Variants in SAMTOR observed in about 807,000 individuals in gnomAD.
SAMTOR encodes S-adenosylmethionine sensor upstream of mTORC1, also known as UPF0532 protein C7orf60.
the SAMTOR span, chr7:112,821,601 T>TTA: frequency 5.9e-5 from 43 of 728,636 alleles, no homozygotes; most frequent in Non-Finnish European, 8.8e-5. Context: ...AATTGAGAAG[T>TTA]AGAAAAAAAT....
At chr7:112,866,739 C>T in the SAMTOR span, among the ~76,000 whole-genome samples, 1 of 152,236 alleles carries the variant, frequency 6.6e-6, no homozygotes, top group African/African-American at 2.4e-5. Context: ...AAGACTCAAC[C>T]TCCATTCTCC....
At chr7:112,848,457 TGAA>T in the SAMTOR span, among the ~76,000 whole-genome samples, 491 of 152,238 alleles carry the variant, frequency 3.2e-3, 2 homozygotes, top group African/African-American at 0.011. Flanking sequence ...ATTAGTCCAG[TGAA>T]GAAGACACAA....
At chr7:112,868,845 G>A in the SAMTOR span, among the ~76,000 whole-genome samples, 2 of 152,208 alleles carry the variant, frequency 1.3e-5, no homozygotes, top group African/African-American at 4.8e-5. Flanking sequence ...AAGGAGAGTT[G>A]CTGAAGCTGG....
chr7:112,916,604 T>A, the SAMTOR span, among the ~76,000 whole-genome samples: 1 of 151,948 alleles, frequency 6.6e-6, no homozygotes, highest in African/African-American at 2.4e-5. Context: ...GGACGGTGGG[T>A]GCAGTGCACC....
At chr7:112,864,847 C>T in the SAMTOR span, among the ~76,000 whole-genome samples, 3 of 152,122 alleles carry the variant, frequency 2.0e-5, no homozygotes, top group African/African-American at 4.8e-5. Flanking sequence ...CTTGACCTCT[C>T]GGGCTTAAGT....
the SAMTOR span, among the ~76,000 whole-genome samples, chr7:112,921,075 T>C: frequency 1.3e-5 from 2 of 152,158 alleles, no homozygotes; most frequent in Non-Finnish European, 2.9e-5. Context: ...ATGACTTCCT[T>C]CACAGAATTG....
chr7:112,929,272 G>C, the SAMTOR span, among the ~76,000 whole-genome samples: 2 of 151,456 alleles, frequency 1.3e-5, no homozygotes, highest in South Asian at 4.2e-4. Context: ...CTAAAAAATG[G>C]GCAATGACCT....
the SAMTOR span, among the ~76,000 whole-genome samples, chr7:112,877,661 C>A: frequency 1.3e-5 from 2 of 152,210 alleles, no homozygotes; most frequent in Middle Eastern, 6.8e-3. Flanking sequence ...CCATTCAAAT[C>A]TCACGTTGAA....
At chr7:112,819,399 G>A in the SAMTOR span, 4 of 152,148 alleles carry the variant, frequency 2.6e-5, no homozygotes, top group African/African-American at 9.7e-5. Flanking sequence ...TATCCAAAAT[G>A]AAATAATTCT....
At chr7:112,920,978 T>C in the SAMTOR span, among the ~76,000 whole-genome samples, 5 of 152,208 alleles carry the variant, frequency 3.3e-5, no homozygotes, top group Non-Finnish European at 1.5e-5. Flanking sequence ...CATTCCATGC[T>C]CATGGATAGG....
chr7:112,938,878 T>A, the SAMTOR span, among the ~76,000 whole-genome samples: 1 of 152,216 alleles, frequency 6.6e-6, no homozygotes, highest in African/African-American at 2.4e-5. Flanking sequence ...GTGGGCTTTA[T>A]CGGCAGGTGT....
the SAMTOR span, among the ~76,000 whole-genome samples, chr7:112,826,689 G>A: frequency 1.3e-5 from 2 of 151,840 alleles, no homozygotes; most frequent in African/African-American, 4.8e-5. Context: ...TCTTCTAGTT[G>A]AAAAGTTGAT....
At chr7:112,842,966 C>T in the SAMTOR span, among the ~76,000 whole-genome samples, 3 of 151,980 alleles carry the variant, frequency 2.0e-5, no homozygotes, top group African/African-American at 7.2e-5. Flanking sequence ...CAGAAAAGTG[C>T]TTGTTATAAC....
chr7:112,891,364 T>A, the SAMTOR span, among the ~76,000 whole-genome samples: 2 of 152,196 alleles, frequency 1.3e-5, no homozygotes, highest in African/African-American at 2.4e-5. Context: ...TAAAACTAGG[T>A]AATATTTTCA....
chr7:112,906,042 TA>T, the SAMTOR span, among the ~76,000 whole-genome samples: 2 of 152,074 alleles, frequency 1.3e-5, no homozygotes, highest in African/African-American at 2.4e-5. Flanking sequence ...TGTAAAACAT[TA>T]AAAAATGAAA....
chr7:112,894,801 C>T, the SAMTOR span, among the ~76,000 whole-genome samples: 3 of 152,152 alleles, frequency 2.0e-5, no homozygotes, highest in Non-Finnish European at 4.4e-5. Flanking sequence ...CACAATTAAA[C>T]CATATCACAG....
At chr7:112,826,233 T>C in the SAMTOR span, among the ~76,000 whole-genome samples, 1 of 152,194 alleles carries the variant, frequency 6.6e-6, no homozygotes, top group East Asian at 1.9e-4. Context: ...AGAGAATATA[T>C]ATAATTGGTA....
At chr7:112,887,370 C>T in the SAMTOR span, among the ~76,000 whole-genome samples, 1 of 151,560 alleles carries the variant, frequency 6.6e-6, no homozygotes, top group Non-Finnish European at 1.5e-5. Flanking sequence ...CATGTTTATA[C>T]AATCAGTCAG....
the SAMTOR span, among the ~76,000 whole-genome samples, chr7:112,848,910 G>C: frequency 6.6e-6 from 1 of 152,046 alleles, no homozygotes; most frequent in Non-Finnish European, 1.5e-5. Context: ...TTAGCTGGGC[G>C]TGGTGGTACA....
Sources: gnomAD v4.1 joint callset for allele counts (sites outside exome capture counted in the v4.1 genomes callset) on GRCh38, gnomAD v4.1.1 for gene constraint, MANE v1.5 for transcripts, NCBI Gene and HGNC (gene_info 2026-07-23, HGNC 2026-07-21) for gene names.